Variants in CCDC7 observed in about 807,000 individuals in gnomAD.
The protein encoded by CCDC7 is coiled-coil domain-containing protein 7.
Under a neutral mutation model 196.9 loss-of-function variants are expected in CCDC7, and 183 were observed. That is an observed-to-expected ratio of 0.93 (90% CI 0.82 to 1.05). CCDC7 has a LOEUF of 1.05. Among genes scored for constraint, CCDC7 ranks in the 50% least tolerant of loss-of-function variants. CCDC7 has a pLI of 0.00. For synonymous variants in CCDC7, 525 were observed against 484.6 expected, an observed-to-expected ratio of 1.08 and a Z score of -1.10; for missense variants, 1,540 against 1,482.2, an observed-to-expected ratio of 1.04 and a Z score of -0.64.
intron 8 of CCDC7, among the ~76,000 whole-genome samples, chr10:32,489,337 C>T (rs2041795361): frequency 6.6e-6 from 1 of 152,120 alleles, no homozygotes; most frequent in African/African-American, 2.4e-5. Context: ...TGAGTGGTTG[C>T]AGAGCCACAT....
intron 8 of CCDC7, among the ~76,000 whole-genome samples, chr10:32,484,746 T>C (rs2040676190): frequency 6.6e-6 from 1 of 152,206 alleles, no homozygotes; most frequent in African/African-American, 2.4e-5. Context: ...TCTGCATCTA[T>C]TGAGATAATT....
chr10:32,720,717 A>G (rs986013041), intron 25 of CCDC7, among the ~76,000 whole-genome samples: 4 of 152,094 alleles, frequency 2.6e-5, no homozygotes, highest in Non-Finnish European at 1.5e-5. Flanking sequence ...GGCATAGTTG[A>G]TGACCCTCAG....
At chr10:32,834,815 A>C (rs775884099) in exon 33 of CCDC7, 33 of 1,372,474 alleles carry the variant, frequency 2.4e-5, no homozygotes, top group Admixed American at 8.8e-5. Flanking sequence ...ATTTTTATAG[A>C]GACTGTCTTA....
intron 11 of CCDC7, among the ~76,000 whole-genome samples, chr10:32,534,607 AAATCC>A (rs1199538179): frequency 6.6e-6 from 1 of 152,048 alleles, no homozygotes; most frequent in Non-Finnish European, 1.5e-5. Flanking sequence ...GTGGCTCCTT[AAATCC>A]TGGTTGACCT....
intron 18 of CCDC7, among the ~76,000 whole-genome samples, chr10:32,626,190 G>A (rs2064021717): frequency 6.6e-6 from 1 of 152,138 alleles, no homozygotes; most frequent in East Asian, 1.9e-4. Flanking sequence ...TGCTAACAGT[G>A]TACAAGAGTT....
rs2094592114 is a variant in CCDC7 at position 32,876,183 on chromosome 10, A to G, written c.4112-164A>G. On this transcript the variant is annotated intron_variant, in intron 41 of 41. Coordinates refer to ENST00000639629, the Ensembl canonical transcript of CCDC7. Reference sequence around the variant, plus strand: ...TCTAAGTTGAGAATGTCACAGCATCATTCTATAAAAACAATAGGTAGGTAG... The same window carrying G: ...TCTAAGTTGAGAATGTCACAGCATCGTTCTATAAAAACAATAGGTAGGTAG... 2.0e-5 allele frequency among the ~76,000 whole-genome samples: 3 copies of G among 152,070 alleles called. No homozygotes were observed. The South Asian group carries it at 6.2e-4, about 31-fold the overall frequency.
chr10:32,661,784 T>C (rs573223957), intron 20 of CCDC7, among the ~76,000 whole-genome samples: 108 of 152,316 alleles, frequency 7.1e-4, no homozygotes, highest in African/African-American at 2.5e-3. Context: ...TTCATCCCTC[T>C]CTTCTCCTCA....
intron 21 of CCDC7, among the ~76,000 whole-genome samples, chr10:32,668,809 C>G (rs957811573): frequency 6.6e-6 from 1 of 152,080 alleles, no homozygotes; most frequent in Non-Finnish European, 1.5e-5. Flanking sequence ...CAATGTTCGT[C>G]AGAGTTTTCT....
intron 3 of CCDC7, among the ~76,000 whole-genome samples, chr10:32,457,744 T>C (rs2034672109): frequency 6.6e-6 from 1 of 152,206 alleles, no homozygotes; most frequent in African/African-American, 2.4e-5. Context: ...TGAGATGATA[T>C]CTCATTGTGG....
chr10:32,463,055 T>C lies in CCDC7; in HGVS notation c.510+6T>C, dbSNP rs763385542. The C allele has an allele frequency of 5.0e-6, 8 of 1,613,116 alleles. No homozygotes were observed. The Admixed American group carries it at 1.3e-4, about 27-fold the overall frequency. The stretch of plus-strand genomic sequence containing the variant: ...AGGTCAATCAGATGGAAGAAGTAAG[T>C]CTAACGTTTTAAAATTGTTAAGTTA... On this transcript the variant is annotated splice_donor_region_variant and intron_variant, in intron 5 of 41. Coordinates refer to ENST00000639629, the Ensembl canonical transcript of CCDC7.
In CCDC7 at chr10:32,659,706, G is replaced by A. The variant is rs1348467826; in HGVS notation, c.2015-4348G>A. Among the ~76,000 whole-genome samples the A allele has an allele frequency of 3.3e-5, 5 of 152,188 alleles. No homozygotes were observed. The East Asian group carries it at 7.7e-4, about 24-fold the overall frequency. The stretch of plus-strand genomic sequence containing the variant: ...ACACTTCCAAAGAAGACATACATGT[G>A]GCCGACAATCATATAAAAAAAGCTT... On this transcript the variant is annotated intron_variant, in intron 20 of 41. Transcript: ENST00000639629.
chr10:32,710,681 A>G (rs1286765362), intron 24 of CCDC7, among the ~76,000 whole-genome samples: 1 of 152,186 alleles, frequency 6.6e-6, no homozygotes, highest in Non-Finnish European at 1.5e-5. Flanking sequence ...CAAATGATCC[A>G]CTAGTATCCC....
At chr10:32,728,556 A>T (rs1174199433) in intron 26 of CCDC7, among the ~76,000 whole-genome samples, 3 of 152,190 alleles carry the variant, frequency 2.0e-5, no homozygotes, top group Non-Finnish European at 4.4e-5. Context: ...ATAACGAATG[A>T]TCTTATGCAT....
Position 32,775,651 on chromosome 10 carries a change from A to G in CCDC7, c.2906-3326A>G, listed in dbSNP as rs573577618. Reference sequence around the variant, plus strand: ...ATTATCATATTTTCGAAGGAAATATACCAGTGATTGGCCCTTAAATTGCAC... The same window carrying G: ...ATTATCATATTTTCGAAGGAAATATGCCAGTGATTGGCCCTTAAATTGCAC... On this transcript the variant is annotated intron_variant, in intron 28 of 41. Coordinates refer to ENST00000639629, the Ensembl canonical transcript of CCDC7. 4.7e-4 allele frequency among the ~76,000 whole-genome samples: 72 copies of G among 152,314 alleles called. 2 individuals carry two copies. In the South Asian group the frequency reaches 0.012, roughly 26 times the overall value.
chr10:32,458,656 T>C (rs999837203), intron 3 of CCDC7, among the ~76,000 whole-genome samples: 2 of 152,074 alleles, frequency 1.3e-5, no homozygotes, highest in African/African-American at 4.8e-5. Context: ...GCTAACTTTG[T>C]AGTATATTTT....
intron 18 of CCDC7, among the ~76,000 whole-genome samples, chr10:32,589,919 TC>T (rs2137786785): frequency 6.6e-6 from 1 of 152,256 alleles, no homozygotes; most frequent in South Asian, 2.1e-4. Context: ...CTTTTTTTCA[TC>T]CCTATGCTTT....
intron 41 of CCDC7, among the ~76,000 whole-genome samples, chr10:32,859,378 AAGAC>A (rs1360827889): frequency 1.3e-5 from 2 of 152,224 alleles, no homozygotes; most frequent in African/African-American, 2.4e-5. Context: ...AATGAGAACA[AAGAC>A]AGAGCATATC....
At chr10:32,828,360 G>C (rs933586726) in intron 32 of CCDC7, among the ~76,000 whole-genome samples, 2 of 150,604 alleles carry the variant, frequency 1.3e-5, no homozygotes, top group Non-Finnish European at 2.9e-5. Flanking sequence ...ATTCATATTG[G>C]CTCAGAATAA....
chr10:32,549,784 A>G (rs2053160893), intron 13 of CCDC7, among the ~76,000 whole-genome samples: 1 of 152,062 alleles, frequency 6.6e-6, no homozygotes, highest in Admixed American at 6.6e-5. Context: ...GCCTGTTTTT[A>G]TACCAGTACC....
Sources: allele counts gnomAD v4.1 joint callset (sites outside exome capture counted in the v4.1 genomes callset), GRCh38; gene constraint gnomAD v4.1.1; transcripts MANE v1.5; gene names NCBI Gene and HGNC (gene_info 2026-07-23, HGNC 2026-07-21).